Variants in IPO11 observed in about 807,000 individuals in gnomAD.
IPO11 encodes importin-11.
In IPO11, 66 loss-of-function variants were observed where a neutral mutation model predicts 143.2. The observed-to-expected ratio is 0.46, with a 90% confidence interval of 0.38 to 0.57. The LOEUF (loss-of-function observed/expected upper bound fraction) is 0.57. Among genes scored for constraint, IPO11 ranks in the 20% least tolerant of loss-of-function variants. The probability of loss-of-function intolerance (pLI) is 0.00; values close to 1 mark genes in which losing one functional copy is unlikely to be tolerated. For synonymous variants in IPO11, 385 were observed against 377.8 expected (o/e 1.02, Z -0.22); for missense variants, 1,026 against 1,141.0 (o/e 0.90, Z 1.45).
At chr5:62,579,846 T>TACA in intron 27 of IPO11, 1 of 1,548,398 alleles carries the variant, frequency 6.5e-7, no homozygotes, top group South Asian at 1.2e-5. Flanking sequence ...ATCTTCGTAA[T>TACA]TTATATTTAC....
At chr5:62,606,151 A>G (rs1365470608) in intron 29 of IPO11, among the ~76,000 whole-genome samples, 2 of 152,080 alleles carry the variant, frequency 1.3e-5, no homozygotes, top group African/African-American at 2.4e-5. Flanking sequence ...AATCAAGCTA[A>G]TGAGCAAATC....
chr5:62,440,116 G>A (rs928466295), intron 2 of IPO11, among the ~76,000 whole-genome samples: 2 of 152,148 alleles, frequency 1.3e-5, no homozygotes, highest in Non-Finnish European at 1.5e-5. Flanking sequence ...CTAGGCGTAA[G>A]ACAAGACTCA....
intron 5 of IPO11, among the ~76,000 whole-genome samples, chr5:62,463,546 C>A (rs1287308420): frequency 6.6e-6 from 1 of 151,720 alleles, no homozygotes; most frequent in Non-Finnish European, 1.5e-5. Context: ...TGGTGCATCC[C>A]TGTAGTCCCA....
chr5:62,515,950 T>C (rs1374910857), intron 20 of IPO11, among the ~76,000 whole-genome samples: 1 of 152,212 alleles, frequency 6.6e-6, no homozygotes, highest in Non-Finnish European at 1.5e-5. Flanking sequence ...TTTTGACGTT[T>C]GAGGTGTTGG....
Position 62,470,285 on chromosome 5 carries a change from C to A in IPO11, c.685C>A (p.Pro229Thr). 4 of 1,613,746 alleles carry A rather than the reference C, an allele frequency of 2.5e-6. No homozygotes were observed. Among genetic ancestry groups the A allele is most frequent in the South Asian group, 2.2e-5 (2 of 91,068 alleles). ...RKLTVNGFVEPHKNMEVMGFL... is the reference protein window; with the variant it reads ...RKLTVNGFVETHKNMEVMGFL... ...GTTAACTGTTAATGGATTTGTGGAACCTCATAAGAATATGGAGGTGATGGT... is the reference window on the plus strand; with the variant it reads ...GTTAACTGTTAATGGATTTGTGGAAACTCATAAGAATATGGAGGTGATGGT... Residue 229 changes from proline to threonine, a missense_variant, in exon 7 of 30, where the codon CCT becomes ACT. Pro to Thr is a conservative substitution (Grantham distance 38, BLOSUM62 -1). Transcript: ENST00000325324.
Position 62,449,928 on chromosome 5 carries a change from GCT to G in IPO11, c.247_248del (p.Ser83ArgfsTer17). ...ATCAATACTTTTTTTTTTTTACAGTGCTCTCTCAGAGGAGGAGAAAACTACTC... is the reference window on the plus strand; with the variant it reads ...ATCAATACTTTTTTTTTTTTACAGTGCTCTCAGAGGAGGAGAAAACTACTC... The part of the protein sequence containing the change: ...DRYWRRVAPH[A>X]LSEEEKTTLR... On this transcript the variant is annotated frameshift_variant and splice_region_variant, in exon 4 of 30. Transcript: ENST00000325324. LOFTEE classifies it high-confidence loss of function. 6.5e-7 allele frequency: 1 copy of G among 1,548,368 alleles called. No homozygotes were observed.
chr5:62,553,025 C>T (rs1743442545), intron 26 of IPO11, among the ~76,000 whole-genome samples: 1 of 152,142 alleles, frequency 6.6e-6, no homozygotes, highest in Non-Finnish European at 1.5e-5. Context: ...AGTTATCCTG[C>T]AGTGCTATAT....
intron 29 of IPO11, among the ~76,000 whole-genome samples, chr5:62,617,371 G>C (rs1394463406): frequency 1.3e-5 from 2 of 152,152 alleles, no homozygotes; most frequent in Non-Finnish European, 2.9e-5. Flanking sequence ...TAATTCACAT[G>C]TTTGGTTTTA....
At chr5:62,553,084 T>C (rs960662726) in intron 26 of IPO11, among the ~76,000 whole-genome samples, 1 of 152,196 alleles carries the variant, frequency 6.6e-6, no homozygotes, top group Non-Finnish European at 1.5e-5. Context: ...TTTTTATCTT[T>C]TAACCAATAT....
At chr5:62,433,057 C>G (rs540807114) in intron 1 of IPO11, among the ~76,000 whole-genome samples, 1 of 152,184 alleles carries the variant, frequency 6.6e-6, no homozygotes, top group East Asian at 1.9e-4. Context: ...GGGTTATTTA[C>G]CCATGCCTGA....
At chr5:62,559,581 CTTTTGT>C (rs1187210913) in intron 26 of IPO11, among the ~76,000 whole-genome samples, 3 of 151,952 alleles carry the variant, frequency 2.0e-5, no homozygotes, top group Non-Finnish European at 4.4e-5. Context: ...CTCTTTGTTG[CTTTTGT>C]TTTTGTTTTT....
At chr5:62,580,723 G>A (rs181871526) in intron 27 of IPO11, 2 of 1,551,358 alleles carry the variant, frequency 1.3e-6, no homozygotes. Flanking sequence ...CAAGACTACT[G>A]CGCTAATGAT....
chr5:62,588,917 T>C (rs1295769189), intron 27 of IPO11, among the ~76,000 whole-genome samples: 1 of 152,202 alleles, frequency 6.6e-6, no homozygotes, highest in African/African-American at 2.4e-5. Context: ...TCCAACTGCT[T>C]ACTCACCCAC....
intron 21 of IPO11, among the ~76,000 whole-genome samples, chr5:62,527,439 G>A (rs747337484): frequency 1.2e-4 from 18 of 152,184 alleles, no homozygotes; most frequent in Non-Finnish European, 4.4e-5. Context: ...AAATAAGTAC[G>A]TGGGTGGATT....
chr5:62,568,979 A>AGGCC (rs992084093), intron 27 of IPO11, among the ~76,000 whole-genome samples: 12 of 152,192 alleles, frequency 7.9e-5, no homozygotes, highest in Admixed American at 2.6e-4. Flanking sequence ...GAGTGCCCTA[A>AGGCC]GGCCAGGTGT....
At chr5:62,509,821 A>C (rs1329878275) in intron 19 of IPO11, among the ~76,000 whole-genome samples, 1 of 152,180 alleles carries the variant, frequency 6.6e-6, no homozygotes, top group Admixed American at 6.5e-5. Flanking sequence ...CTGCTTCCAC[A>C]TGTTGGCTAT....
intron 1 of IPO11, among the ~76,000 whole-genome samples, chr5:62,426,931 GTTTT>G (rs763031944): frequency 2.2e-5 from 2 of 90,244 alleles, no homozygotes; most frequent in Non-Finnish European, 4.1e-5. Flanking sequence ...TTTTCTTTCT[GTTTT>G]TTTTTTTTTT....
intron 5 of IPO11, among the ~76,000 whole-genome samples, chr5:62,464,365 T>G (rs1468675168): frequency 6.6e-6 from 1 of 151,806 alleles, no homozygotes; most frequent in Admixed American, 6.6e-5. Flanking sequence ...GGTCTCGATC[T>G]TTTGACCTTG....
At chr5:62,583,136 C>T (rs1473674121) in intron 27 of IPO11, among the ~76,000 whole-genome samples, 2 of 152,070 alleles carry the variant, frequency 1.3e-5, no homozygotes, top group Non-Finnish European at 2.9e-5. Flanking sequence ...TCTTTTTGTT[C>T]ACCTTGAGAG....
Sources: gnomAD v4.1 joint callset for allele counts (sites outside exome capture counted in the v4.1 genomes callset) on GRCh38, gnomAD v4.1.1 for gene constraint, MANE v1.5 for transcripts, NCBI Gene and HGNC (gene_info 2026-07-23, HGNC 2026-07-21) for gene names.